DOCK2: variants seen among roughly 807,000 people sequenced by gnomAD.
The protein encoded by DOCK2 is dedicator of cytokinesis 2, also known as dedicator of cytokinesis protein 2.
Under a neutral mutation model 248.9 loss-of-function variants are expected in DOCK2, and 87 were observed. That is an observed-to-expected ratio of 0.35 (90% CI 0.29 to 0.42). The LOEUF (loss-of-function observed/expected upper bound fraction) is 0.42. Among genes scored for constraint, DOCK2 ranks in the 10% least tolerant of loss-of-function variants. The probability of loss-of-function intolerance (pLI) is 1.00; values close to 1 mark genes in which losing one functional copy is unlikely to be tolerated. For missense variants in DOCK2, 1,747 were observed against 2,300.2 expected, an observed-to-expected ratio of 0.76 and a Z score of 4.92; for synonymous variants, 805 against 821.6, an observed-to-expected ratio of 0.98 and a Z score of 0.35.
intron 32 of DOCK2, among the ~76,000 whole-genome samples, chr5:170,012,637 T>C (rs1755343656): frequency 6.6e-6 from 1 of 152,136 alleles, no homozygotes; most frequent in African/African-American, 2.4e-5. Context: ...CAACATGTGG[T>C]TAAGGAGCCA....
intron 26 of DOCK2, among the ~76,000 whole-genome samples, chr5:169,829,965 G>A (rs1229309280): frequency 6.6e-6 from 1 of 152,182 alleles, no homozygotes; most frequent in Admixed American, 6.5e-5. Context: ...AGACATATCT[G>A]CTATCTCCTA....
At chr5:169,788,777 G>A (rs1766144200) in intron 25 of DOCK2, among the ~76,000 whole-genome samples, 2 of 152,152 alleles carry the variant, frequency 1.3e-5, no homozygotes, top group African/African-American at 4.8e-5. Flanking sequence ...CAATTTCATA[G>A]GAGTACAATT....
rs112268465 is a variant in DOCK2, at chr5:169,838,509, A to G, written c.2704-2248A>G. Among the ~76,000 whole-genome samples the G allele has an allele frequency of 1.7e-3, 262 of 152,324 alleles. 2 individuals are homozygous for G. The highest frequency in any genetic ancestry group is 6.3e-3 in the African/African-American group (260 of 41,582). The stretch of plus-strand genomic sequence containing the variant: ...CATGAACATCATGTTCACGTAGTAC[A>G]AGAAATAGGAGACTGTAAGTCAGCA... On this transcript the variant is annotated intron_variant, in intron 26 of 51. Coordinates refer to ENST00000520908, the MANE Select transcript of DOCK2 (RefSeq NM_004946.3).
At chr5:169,910,770 C>T (rs1774551765) in intron 27 of DOCK2, among the ~76,000 whole-genome samples, 1 of 152,220 alleles carries the variant, frequency 6.6e-6, no homozygotes, top group Non-Finnish European at 1.5e-5. Context: ...CTTTTTAGGT[C>T]ACAGCTTTCT....
intron 23 of DOCK2, among the ~76,000 whole-genome samples, chr5:169,748,159 T>A: frequency 7.6e-6 from 1 of 131,690 alleles, no homozygotes; most frequent in East Asian, 2.1e-4. Flanking sequence ...TTAATGCAGA[T>A]TGCTGCTGCT....
chr5:169,921,325 C>G, intron 27 of DOCK2, among the ~76,000 whole-genome samples: 1 of 152,252 alleles, frequency 6.6e-6, no homozygotes, highest in African/African-American at 2.4e-5. Context: ...AATAGGAAAT[C>G]TGTATAATCT....
intron 25 of DOCK2, among the ~76,000 whole-genome samples, chr5:169,767,620 G>A (rs963868325): frequency 2.0e-5 from 3 of 152,176 alleles, no homozygotes; most frequent in African/African-American, 7.2e-5. Context: ...TTTAGCTACA[G>A]AAATGTGATA....
intron 26 of DOCK2, among the ~76,000 whole-genome samples, chr5:169,821,052 G>A (rs985463236): frequency 1.3e-5 from 2 of 152,196 alleles, no homozygotes; most frequent in East Asian, 1.9e-4. Context: ...AATGAAGCGA[G>A]CAGAGAAGTT....
intron 26 of DOCK2, among the ~76,000 whole-genome samples, chr5:169,813,603 A>T (rs1385804372): frequency 6.6e-6 from 1 of 152,216 alleles, no homozygotes; most frequent in Non-Finnish European, 1.5e-5. Context: ...GTGGACCCTA[A>T]ATCTGCCACC....
At chr5:169,765,804 T>G (rs1033266797) in intron 25 of DOCK2, among the ~76,000 whole-genome samples, 2 of 152,160 alleles carry the variant, frequency 1.3e-5, no homozygotes, top group African/African-American at 2.4e-5. Flanking sequence ...TTTTTTTCAC[T>G]GGGAACTTTA....
chr5:169,656,320 T>C (rs1758113028), intron 2 of DOCK2, among the ~76,000 whole-genome samples: 1 of 151,064 alleles, frequency 6.6e-6, no homozygotes, highest in Admixed American at 6.6e-5. Flanking sequence ...AGTGAGCTAG[T>C]GGATTTTTTT....
intron 25 of DOCK2, among the ~76,000 whole-genome samples, chr5:169,773,508 C>G (rs1443872246): frequency 1.3e-5 from 2 of 152,056 alleles, no homozygotes; most frequent in Non-Finnish European, 2.9e-5. Context: ...CAAAATCACT[C>G]TGTTCTCATA....
Position 169,918,941 on chromosome 5 carries a change from T to C in DOCK2, c.2800-64127T>C, listed in dbSNP as rs538589424. Among the ~76,000 whole-genome samples, 3 of 152,196 alleles carry C rather than the reference T, an allele frequency of 2.0e-5. No individual in the cohort carries two copies. The South Asian group carries it at 6.2e-4, about 32-fold the overall frequency. On this transcript the variant is annotated intron_variant, in intron 27 of 51. Coordinates refer to ENST00000520908, the MANE Select transcript of DOCK2 (RefSeq NM_004946.3). ...ATACAAACTAATTTAAAAGATATTT[T>C]AGGGGCCAGATATATGAGTATGTAA...
chr5:170,071,978 C>T (rs879743637), intron 46 of DOCK2, among the ~76,000 whole-genome samples: 5 of 152,158 alleles, frequency 3.3e-5, no homozygotes, highest in African/African-American at 4.8e-5. Flanking sequence ...TATAGTAGTC[C>T]GTACAGCTGG....
At chr5:169,992,621 C>T (rs553318733) in intron 29 of DOCK2, among the ~76,000 whole-genome samples, 7 of 152,084 alleles carry the variant, frequency 4.6e-5, no homozygotes, top group East Asian at 1.9e-4. Flanking sequence ...CTCGCCACCA[C>T]GCCCAGCTAA....
intron 26 of DOCK2, among the ~76,000 whole-genome samples, chr5:169,811,780 G>A (rs1317402458): frequency 6.6e-6 from 1 of 152,148 alleles, no homozygotes; most frequent in Non-Finnish European, 1.5e-5. Context: ...AGAGAGGCTA[G>A]GTGACATTCC....
At chr5:170,007,078 G>A (rs967021241) in intron 30 of DOCK2, among the ~76,000 whole-genome samples, 5 of 152,212 alleles carry the variant, frequency 3.3e-5, no homozygotes, top group African/African-American at 9.7e-5. Context: ...GACTGGAACC[G>A]CAAACCGATT....
At chr5:170,006,742 C>G (rs528703876) in intron 30 of DOCK2, among the ~76,000 whole-genome samples, 38 of 152,346 alleles carry the variant, frequency 2.5e-4, no homozygotes, top group South Asian at 1.9e-3. Flanking sequence ...TGTGTAACCA[C>G]TGCTCTGTCA....
At chr5:169,818,478 C>T (rs1359552902) in intron 26 of DOCK2, among the ~76,000 whole-genome samples, 2 of 152,196 alleles carry the variant, frequency 1.3e-5, no homozygotes, top group East Asian at 1.9e-4. Flanking sequence ...CCGGGTGGTA[C>T]TGGGGCCTCT....
Sources: allele counts gnomAD v4.1 joint callset (sites outside exome capture counted in the v4.1 genomes callset), GRCh38; gene constraint gnomAD v4.1.1; transcripts MANE v1.5; gene names NCBI Gene and HGNC (gene_info 2026-07-23, HGNC 2026-07-21).